The following GRID2 variants were observed in gnomAD, a reference collection of about 807,000 sequenced individuals.
GRID2 encodes glutamate ionotropic receptor delta type subunit 2.
GRID2 carries 33 observed loss-of-function variants against 114.8 expected under a neutral mutation model. That is an observed-to-expected ratio of 0.29 (90% CI 0.22 to 0.38). GRID2 has a LOEUF of 0.38. GRID2 is among the 10% of genes least tolerant of loss of function. The probability of loss-of-function intolerance (pLI) is 1.00; values close to 1 mark genes in which losing one functional copy is unlikely to be tolerated. For synonymous variants in GRID2, 505 were observed against 449.9 expected (o/e 1.12, Z -1.55); for missense variants, 1,184 against 1,257.7 (o/e 0.94, Z 0.89).
chr4:92,771,248 C>T (rs553438574), intron 2 of GRID2, among the ~76,000 whole-genome samples: 1 of 152,272 alleles, frequency 6.6e-6, no homozygotes, highest in East Asian at 1.9e-4. Flanking sequence ...CAAGAAATGC[C>T]ATTGCCCTTC....
chr4:92,636,211 T>A (rs1389057362), intron 2 of GRID2, among the ~76,000 whole-genome samples: 1 of 151,964 alleles, frequency 6.6e-6, no homozygotes, highest in Non-Finnish European at 1.5e-5. Context: ...AATCACCAGC[T>A]GCCATCACAC....
intron 8 of GRID2, among the ~76,000 whole-genome samples, chr4:93,395,185 TTTTTCC>T (rs1317367626): frequency 6.6e-6 from 1 of 151,978 alleles, no homozygotes; most frequent in East Asian, 1.9e-4. Context: ...AATAGTGTCT[TTTTTCC>T]CAGTAAAAGC....
At chr4:92,501,750 T>C (rs1197656785) in intron 1 of GRID2, among the ~76,000 whole-genome samples, 3 of 152,156 alleles carry the variant, frequency 2.0e-5, no homozygotes, top group East Asian at 1.9e-4. Flanking sequence ...AATGGAACTG[T>C]TATGGATCTA....
intron 1 of GRID2, among the ~76,000 whole-genome samples, chr4:92,391,450 G>A (rs1730234821): frequency 6.6e-6 from 1 of 151,986 alleles, no homozygotes; most frequent in South Asian, 2.1e-4. Flanking sequence ...AACAGTATTA[G>A]TAGAAAATTA....
intron 1 of GRID2, among the ~76,000 whole-genome samples, chr4:92,570,725 A>G (rs1199446646): frequency 6.6e-6 from 1 of 151,728 alleles, no homozygotes; most frequent in Non-Finnish European, 1.5e-5. Flanking sequence ...TGAATGGGAG[A>G]TCATTTGTGA....
chr4:93,636,305 C>T (rs1188589334), intron 14 of GRID2, among the ~76,000 whole-genome samples: 1 of 152,048 alleles, frequency 6.6e-6, no homozygotes, highest in Non-Finnish European at 1.5e-5. Context: ...TATTCAGAAA[C>T]CCATTGGTTT....
intron 2 of GRID2, among the ~76,000 whole-genome samples, chr4:92,753,361 T>TA (rs1737547648): frequency 6.6e-6 from 1 of 152,162 alleles, no homozygotes; most frequent in African/African-American, 2.4e-5. Context: ...GAATGATGCG[T>TA]AATAAATGAC....
At chr4:93,267,882 C>T (rs1371143698) in intron 8 of GRID2, among the ~76,000 whole-genome samples, 2 of 152,186 alleles carry the variant, frequency 1.3e-5, no homozygotes, top group South Asian at 2.1e-4. Context: ...GGTGTGGCAC[C>T]CAGGTGTGAG....
intron 1 of GRID2, among the ~76,000 whole-genome samples, chr4:92,411,525 A>G (rs1257361479): frequency 1.3e-5 from 2 of 151,088 alleles, no homozygotes; most frequent in African/African-American, 4.9e-5. Context: ...TAATAAATTC[A>G]CTTTTTAAAC....
chr4:92,875,728 C>G (rs1052910151), intron 2 of GRID2, among the ~76,000 whole-genome samples: 1 of 151,908 alleles, frequency 6.6e-6, no homozygotes, highest in African/African-American at 2.4e-5. Flanking sequence ...GAACTGAGAT[C>G]CAGAGAAATA....
intron 2 of GRID2, among the ~76,000 whole-genome samples, chr4:92,785,357 C>T (rs1410833088): frequency 6.6e-6 from 1 of 151,138 alleles, no homozygotes; most frequent in Non-Finnish European, 1.5e-5. Flanking sequence ...TACATTAATT[C>T]TTCAGCTCTC....
At chr4:92,662,516 C>T (rs1732568794) in intron 2 of GRID2, among the ~76,000 whole-genome samples, 1 of 150,754 alleles carries the variant, frequency 6.6e-6, no homozygotes, top group African/African-American at 2.4e-5. Context: ...AAAAAAGTTA[C>T]TTTGAATCAT....
chr4:93,422,620 T>C (rs896219851), intron 9 of GRID2, 151 bp from the exon 10 acceptor site: 128 of 578,162 alleles, frequency 2.2e-4, no homozygotes, highest in East Asian at 2.3e-4. Flanking sequence ...AATAATATGA[T>C]GCGTTAATAA....
intron 2 of GRID2, chr4:92,822,559 A>C: frequency 1.5e-5 from 4 of 270,074 alleles, no homozygotes; most frequent in South Asian, 1.4e-4. Flanking sequence ...TTATCTCAGG[A>C]TCTAGAGACA....
intron 12 of GRID2, among the ~76,000 whole-genome samples, chr4:93,493,591 G>T (rs1033899269): frequency 6.6e-6 from 1 of 150,916 alleles, no homozygotes; most frequent in African/African-American, 2.4e-5. Flanking sequence ...TTGTTTGCTT[G>T]ATATGGTATT....
chr4:93,615,566 C>G (rs1741536320), intron 13 of GRID2, among the ~76,000 whole-genome samples: 1 of 147,956 alleles, frequency 6.8e-6, no homozygotes, highest in Non-Finnish European at 1.5e-5. Flanking sequence ...CTGTCTTCCA[C>G]AATGGTTGAA....
At position 93,113,899 on chromosome 4, in the gene GRID2, G is replaced by T. The variant is rs10050168; in HGVS notation, c.735+2946G>T. On this transcript the variant is annotated intron_variant, in intron 4 of 15. Coordinates refer to ENST00000282020, the MANE Select transcript of GRID2 (RefSeq NM_001510.4). ...GACCATAAATAAAACCACGGAGGCGGGGCATGCAGCAAGAAGGCAAAGGGC... is the reference window on the plus strand; with the variant it reads ...GACCATAAATAAAACCACGGAGGCGTGGCATGCAGCAAGAAGGCAAAGGGC... Among the ~76,000 whole-genome samples the T allele has an allele frequency of 1.1e-3, 175 of 152,232 alleles. 3 individuals are homozygous for T. Among genetic ancestry groups the T allele is most frequent in the African/African-American group, 3.7e-3 (152 of 41,530 alleles).
At chr4:93,486,147 A>G (rs892514725) in intron 11 of GRID2, among the ~76,000 whole-genome samples, 4 of 151,596 alleles carry the variant, frequency 2.6e-5, no homozygotes, top group Non-Finnish European at 5.9e-5. Context: ...TTTTAATTCT[A>G]TGTTGTCAGT....
At chr4:93,791,831 GT>G (rs1230821416) in intron 1 of GRID2, among the ~76,000 whole-genome samples, 1 of 151,392 alleles carries the variant, frequency 6.6e-6, no homozygotes, top group Non-Finnish European at 1.5e-5. Flanking sequence ...TTTAAATTCT[GT>G]TTTCTGTGAG....
Sources: gnomAD v4.1 joint callset for allele counts (sites outside exome capture counted in the v4.1 genomes callset) on GRCh38, gnomAD v4.1.1 for gene constraint, MANE v1.5 for transcripts, NCBI Gene and HGNC (gene_info 2026-07-23, HGNC 2026-07-21) for gene names.